Variants in EPHA6 observed in about 807,000 individuals in gnomAD.
EPHA6 encodes the protein EPH receptor A6.
A neutral mutation model predicts 112.0 loss-of-function variants in EPHA6; 50 were observed. That is an observed-to-expected ratio of 0.45 (90% confidence interval 0.36 to 0.56). EPHA6 has a LOEUF of 0.56. Among genes scored for constraint, EPHA6 ranks in the 20% least tolerant of loss-of-function variants. The pLI is 0.00. For synonymous variants in EPHA6, 529 were observed against 490.7 expected (o/e 1.08, Z -1.03); for missense variants, 1,280 against 1,417.4 (o/e 0.90, Z 1.56).
intron 13 of EPHA6, among the ~76,000 whole-genome samples, chr3:97,621,258 C>T (rs1018846933): frequency 6.6e-6 from 1 of 151,658 alleles, no homozygotes; most frequent in African/African-American, 2.4e-5. Context: ...CACACTGGGG[C>T]CTCTCAGAGA....
chr3:97,646,031 G>A (rs1028141980), intron 14 of EPHA6: 1 of 1,002,704 alleles, frequency 1.0e-6, no homozygotes, highest in African/African-American at 1.7e-5. Flanking sequence ...AATATCTTTA[G>A]AACAGTATGC....
intron 11 of EPHA6, among the ~76,000 whole-genome samples, chr3:97,543,978 G>A (rs1474050559): frequency 3.3e-5 from 5 of 152,196 alleles, no homozygotes; most frequent in East Asian, 1.9e-4. Flanking sequence ...TTATCAGCTT[G>A]TGGAGATTTT....
chr3:96,999,003 C>A (rs529138831), intron 3 of EPHA6, among the ~76,000 whole-genome samples: 2 of 151,874 alleles, frequency 1.3e-5, no homozygotes, highest in South Asian at 2.1e-4. Context: ...TGTTTCATTT[C>A]TGCCTACTTT....
Position 97,079,734 on chromosome 3 carries a change from G to A in EPHA6, c.1114+91741G>A, listed in dbSNP as rs76601495. ...ACAAAGAAATTTTTCATGAAAGGAA[G>A]AGTCCATTGATGCAGCAAACTTTAT... On this transcript the variant is annotated intron_variant, in intron 3 of 17. Coordinates refer to ENST00000389672, the MANE Select transcript of EPHA6 (RefSeq NM_001080448.3). Among the ~76,000 whole-genome samples the A allele has an allele frequency of 1.3e-3, 195 of 151,816 alleles. 4 individuals are homozygous for A. In the East Asian group the frequency reaches 0.033, roughly 25 times the overall value.
At chr3:97,173,102 A>G (rs550323896) in intron 3 of EPHA6, among the ~76,000 whole-genome samples, 8 of 151,998 alleles carry the variant, frequency 5.3e-5, no homozygotes, top group Admixed American at 2.0e-4. Context: ...ACTTTTTGAG[A>G]TATCTTAGAT....
chr3:97,439,625 A>G (rs1476459161), intron 6 of EPHA6: 1 of 1,004,892 alleles, frequency 1.0e-6, no homozygotes, highest in African/African-American at 1.7e-5. Context: ...GGAACTTCCC[A>G]GCCTCAGAAA....
chr3:97,328,459 A>G (rs749753029), intron 5 of EPHA6, among the ~76,000 whole-genome samples: 12 of 152,154 alleles, frequency 7.9e-5, no homozygotes, highest in Non-Finnish European at 1.5e-4. Context: ...GATATTGGAC[A>G]TAATTTCATG....
chr3:97,094,484 G>T (rs2047177488), intron 3 of EPHA6, among the ~76,000 whole-genome samples: 2 of 152,100 alleles, frequency 1.3e-5, no homozygotes, highest in South Asian at 4.1e-4. Flanking sequence ...AACATCAGTT[G>T]TCATCGTCTC....
At chr3:97,034,778 G>A (rs1217697860) in intron 3 of EPHA6, among the ~76,000 whole-genome samples, 1 of 151,906 alleles carries the variant, frequency 6.6e-6, no homozygotes, top group Non-Finnish European at 1.5e-5. Context: ...CTGTTTCTAT[G>A]TTCCAGATTG....
chr3:97,428,388 G>A (rs2089295040), intron 6 of EPHA6, among the ~76,000 whole-genome samples: 1 of 152,062 alleles, frequency 6.6e-6, no homozygotes, highest in African/African-American at 2.4e-5. Context: ...CTATATTAAT[G>A]TACAATATTG....
chr3:96,995,266 A>T (rs1381535540), intron 3 of EPHA6, among the ~76,000 whole-genome samples: 1 of 152,106 alleles, frequency 6.6e-6, no homozygotes, highest in Non-Finnish European at 1.5e-5. Flanking sequence ...AGATACCAGG[A>T]TTTGCTGGCA....
intron 11 of EPHA6, chr3:97,590,268 C>G (rs2093530858): frequency 6.6e-6 from 1 of 152,086 alleles, no homozygotes; most frequent in Non-Finnish European, 1.5e-5. Flanking sequence ...GATGAAAGAC[C>G]TTTTTACCCA....
At chr3:97,427,689 TA>T (rs965097030) in intron 6 of EPHA6, among the ~76,000 whole-genome samples, 10 of 146,578 alleles carry the variant, frequency 6.8e-5, no homozygotes, top group East Asian at 2.0e-4. Context: ...AAAGTAAAAT[TA>T]AAAAAAAAAT....
At chr3:97,551,793 T>C (rs553173266) in intron 11 of EPHA6, among the ~76,000 whole-genome samples, 101 of 152,170 alleles carry the variant, frequency 6.6e-4, no homozygotes, top group African/African-American at 2.4e-3. Flanking sequence ...TAATATAGAG[T>C]ATATCTCATT....
At chr3:97,036,756 A>G (rs1328994540) in intron 3 of EPHA6, among the ~76,000 whole-genome samples, 2 of 152,034 alleles carry the variant, frequency 1.3e-5, no homozygotes, top group East Asian at 3.9e-4. Context: ...TAATCTTCCT[A>G]GATGATTGTG....
At chr3:97,467,701 A>G (rs2091102291) in intron 7 of EPHA6, among the ~76,000 whole-genome samples, 1 of 151,798 alleles carries the variant, frequency 6.6e-6, no homozygotes, top group African/African-American at 2.4e-5. Flanking sequence ...TGCCAGTAAC[A>G]ATATGAAATA....
Position 97,044,683 on chromosome 3 carries a change from G to C in EPHA6, c.1114+56690G>C, listed in dbSNP as rs1283706362. Among the ~76,000 whole-genome samples, 4 of 151,672 alleles carry C rather than the reference G, an allele frequency of 2.6e-5. No homozygotes were observed. In the East Asian group the frequency reaches 7.7e-4, roughly 29 times the overall value. On this transcript the variant is annotated intron_variant, in intron 3 of 17. Transcript: ENST00000389672. The stretch of plus-strand genomic sequence containing the variant: ...ATTGAAGGAGAGGATAAAAAATAAA[G>C]GGATCAATTAACCAAACAACTATGT...
intron 2 of EPHA6, among the ~76,000 whole-genome samples, chr3:96,883,777 C>T (rs1161253423): frequency 2.6e-5 from 4 of 152,014 alleles, no homozygotes; most frequent in African/African-American, 7.2e-5. Context: ...AGTAATTCTC[C>T]CTGCCTCAGC....
chr3:97,085,150 A>G (rs2108211518), intron 3 of EPHA6, among the ~76,000 whole-genome samples: 1 of 152,274 alleles, frequency 6.6e-6, no homozygotes, highest in Non-Finnish European at 1.5e-5. Flanking sequence ...AATATCATCA[A>G]TTAAATAAAA....
Sources: allele counts gnomAD v4.1 joint callset (sites outside exome capture counted in the v4.1 genomes callset), GRCh38; gene constraint gnomAD v4.1.1; transcripts MANE v1.5; gene names NCBI Gene and HGNC (gene_info 2026-07-23, HGNC 2026-07-21).